Variants in SHISA9 observed in about 807,000 individuals in gnomAD.
SHISA9 encodes protein shisa-9.
Under a neutral mutation model 38.0 loss-of-function variants are expected in SHISA9, and 13 were observed. That is an observed-to-expected ratio of 0.34 (90% CI 0.22 to 0.54). SHISA9 has a LOEUF of 0.54. SHISA9 is among the 20% of genes least tolerant of loss of function. The pLI, the probability that SHISA9 is intolerant of heterozygous loss-of-function variation, is 0.91. For synonymous variants in SHISA9, 275 were observed against 242.0 expected, an observed-to-expected ratio of 1.14 and a Z score of -1.27; for missense variants, 538 against 575.8, an observed-to-expected ratio of 0.93 and a Z score of 0.67.
chr16:13,197,856 T>G (rs540082776), intron 2 of SHISA9, among the ~76,000 whole-genome samples: 6 of 152,180 alleles, frequency 3.9e-5, no homozygotes, highest in Non-Finnish European at 8.8e-5. Flanking sequence ...GACATGTTAC[T>G]GGATTCCATC....
the SHISA9 span, among the ~76,000 whole-genome samples, chr16:13,383,057 C>T: frequency 6.6e-6 from 1 of 152,172 alleles, no homozygotes; most frequent in African/African-American, 2.4e-5. Flanking sequence ...AAAACTAAGT[C>T]ATCACCCTCA....
the SHISA9 span, among the ~76,000 whole-genome samples, chr16:13,296,513 G>C: frequency 1.3e-5 from 2 of 151,688 alleles, no homozygotes; most frequent in Non-Finnish European, 2.9e-5. Context: ...GCCACATTCT[G>C]TCTGTGGATT....
intron 2 of SHISA9, among the ~76,000 whole-genome samples, chr16:12,997,321 T>G (rs1283073195): frequency 6.6e-6 from 1 of 152,062 alleles, no homozygotes; most frequent in Non-Finnish European, 1.5e-5. Context: ...TTCCTTTTAT[T>G]GCTGAGTAGT....
At chr16:13,427,836 A>T in the SHISA9 span, among the ~76,000 whole-genome samples, 1 of 152,230 alleles carries the variant, frequency 6.6e-6, no homozygotes, top group African/African-American at 2.4e-5. Context: ...AATGCACTGA[A>T]ACACAAACCC....
At chr16:13,512,807 T>C in the SHISA9 span, among the ~76,000 whole-genome samples, 225 of 152,314 alleles carry the variant, frequency 1.5e-3, no homozygotes, top group African/African-American at 5.2e-3. Context: ...GCTAGCCATA[T>C]GCAGAAAATT....
the SHISA9 span, among the ~76,000 whole-genome samples, chr16:13,439,800 A>G: frequency 6.6e-6 from 1 of 152,182 alleles, no homozygotes; most frequent in Non-Finnish European, 1.5e-5. Context: ...GGCCTTCGTG[A>G]GAAATGAGGA....
chr16:13,398,657 C>G, the SHISA9 span, among the ~76,000 whole-genome samples: 1 of 151,924 alleles, frequency 6.6e-6, no homozygotes, highest in Admixed American at 6.6e-5. Flanking sequence ...ATTACAAGCA[C>G]CTGCCACCAC....
the SHISA9 span, among the ~76,000 whole-genome samples, chr16:13,346,680 T>C: frequency 0.047 from 7,093 of 152,288 alleles, 356 homozygotes; most frequent in African/African-American, 0.13. Flanking sequence ...AAAATAGAAC[T>C]ATCATTTGAT....
chr16:13,347,130 A>G, the SHISA9 span, among the ~76,000 whole-genome samples: 2 of 152,214 alleles, frequency 1.3e-5, no homozygotes, highest in East Asian at 1.9e-4. Flanking sequence ...AGAAAATACA[A>G]TGTCAAGGAT....
intron 2 of SHISA9, among the ~76,000 whole-genome samples, chr16:13,084,822 A>G (rs897065780): frequency 6.6e-6 from 1 of 152,160 alleles, no homozygotes; most frequent in Non-Finnish European, 1.5e-5. Flanking sequence ...ACTTAATGAG[A>G]AAAAGGGGTT....
At chr16:13,327,174 G>T in the SHISA9 span, among the ~76,000 whole-genome samples, 1 of 152,160 alleles carries the variant, frequency 6.6e-6, no homozygotes, top group East Asian at 1.9e-4. Flanking sequence ...CCAAGCCAGA[G>T]TCCTACCAGC....
the SHISA9 span, among the ~76,000 whole-genome samples, chr16:13,304,984 T>C: frequency 1.3e-5 from 2 of 152,326 alleles, no homozygotes; most frequent in African/African-American, 4.8e-5. Flanking sequence ...GCTAGGCTGA[T>C]CCTAAAATTC....
At chr16:13,100,320 T>C (rs2073866495) in intron 2 of SHISA9, among the ~76,000 whole-genome samples, 1 of 152,232 alleles carries the variant, frequency 6.6e-6, no homozygotes, top group African/African-American at 2.4e-5. Context: ...ATTTTATTTA[T>C]TTTTTTGAGT....
At chr16:12,905,013 C>G (rs542673481) in intron 1 of SHISA9, among the ~76,000 whole-genome samples, 7 of 152,008 alleles carry the variant, frequency 4.6e-5, no homozygotes, top group Admixed American at 1.3e-4. Flanking sequence ...CCACTGTGCC[C>G]GATTGCATCT....
chr16:13,513,145 C>A, the SHISA9 span, among the ~76,000 whole-genome samples: 22 of 152,176 alleles, frequency 1.4e-4, no homozygotes, highest in African/African-American at 2.4e-5. Context: ...CTACAAGGAA[C>A]TTAAACGAAT....
At chr16:13,510,303 T>A in the SHISA9 span, among the ~76,000 whole-genome samples, 1 of 152,148 alleles carries the variant, frequency 6.6e-6, no homozygotes, top group Non-Finnish European at 1.5e-5. Context: ...AGTGAGACTC[T>A]GGCTCAAAAA....
At chr16:12,948,907 A>G (rs959536708) in intron 2 of SHISA9, among the ~76,000 whole-genome samples, 2 of 152,262 alleles carry the variant, frequency 1.3e-5, no homozygotes, top group Non-Finnish European at 2.9e-5. Flanking sequence ...ACATTATGCC[A>G]TAAGCATTTA....
At chr16:13,410,137 T>G in the SHISA9 span, among the ~76,000 whole-genome samples, 2 of 152,364 alleles carry the variant, frequency 1.3e-5, no homozygotes, top group Non-Finnish European at 2.9e-5. Flanking sequence ...AAACAAGTCT[T>G]TGACCCACAG....
At chr16:13,368,151 C>T in the SHISA9 span, among the ~76,000 whole-genome samples, 4 of 152,256 alleles carry the variant, frequency 2.6e-5, no homozygotes, top group East Asian at 7.8e-4. Context: ...AGCAAGATCA[C>T]CTGCAAAGGC....
Sources: allele counts gnomAD v4.1 joint callset (sites outside exome capture counted in the v4.1 genomes callset), GRCh38; gene constraint gnomAD v4.1.1; transcripts MANE v1.5; gene names NCBI Gene and HGNC (gene_info 2026-07-23, HGNC 2026-07-21).